Variants in SVEP1 observed in about 807,000 individuals in gnomAD.
SVEP1 encodes the protein sushi, von Willebrand factor type A, EGF and pentraxin domain-containing protein 1.
SVEP1 carries 164 observed loss-of-function variants against 367.3 expected under a neutral mutation model. The observed-to-expected ratio is 0.45, with a 90% CI of 0.39 to 0.51. The LOEUF (loss-of-function observed/expected upper bound fraction) is 0.51, where lower values mean the gene tolerates loss of function less well. Among genes scored for constraint, SVEP1 ranks in the 20% least tolerant of loss-of-function variants. The probability of loss-of-function intolerance (pLI) is 0.00; values close to 1 mark genes in which losing one functional copy is unlikely to be tolerated. For synonymous variants in SVEP1, 1,666 were observed against 1,611.6 expected (o/e 1.03, Z -0.81); for missense variants, 4,117 against 4,425.3 (o/e 0.93, Z 1.98).
intron 22 of SVEP1, among the ~76,000 whole-genome samples, chr9:110,453,177 A>T (rs912632154): frequency 2.0e-5 from 3 of 152,134 alleles, no homozygotes; most frequent in Admixed American, 2.0e-4. Context: ...ATACCCACAC[A>T]TATTAAAATA....
chr9:110,411,806 ATTTT>A, intron 36 of SVEP1, 71 bp from the exon 37 acceptor site: 1 of 1,346,126 alleles, frequency 7.4e-7, no homozygotes, highest in Non-Finnish European at 9.9e-7. Flanking sequence ...GTCTTCTTCT[ATTTT>A]TTAAATCTTT....
chr9:110,440,186 A>G (rs1341433012), intron 27 of SVEP1, among the ~76,000 whole-genome samples: 3 of 152,200 alleles, frequency 2.0e-5, no homozygotes, highest in Middle Eastern at 3.2e-3. Flanking sequence ...TTTCTTGGGG[A>G]ACATAAACAG....
intron 3 of SVEP1, among the ~76,000 whole-genome samples, chr9:110,515,522 A>C (rs1297548106): frequency 6.6e-6 from 1 of 151,816 alleles, no homozygotes; most frequent in African/African-American, 2.4e-5. Flanking sequence ...GGATGGTCTC[A>C]ATCTCCTGAC....
At position 110,520,956 on chromosome 9, in the gene SVEP1, C is replaced by T. The variant is rs541938341; in HGVS notation, c.965-6850G>A. Among the ~76,000 whole-genome samples the T allele has an allele frequency of 3.9e-5, 6 of 152,252 alleles. No individual in the cohort carries two copies. In the South Asian group the frequency reaches 1.0e-3, roughly 26 times the overall value. On this transcript the variant is annotated intron_variant, in intron 3 of 47. Transcript: ENST00000374469. ...TCCCCTGGAGTTGTACAACACCAAGCCTCTACTTTCTGCTATAAATAGGTA... is the reference window on the plus strand; with the variant it reads ...TCCCCTGGAGTTGTACAACACCAAGTCTCTACTTTCTGCTATAAATAGGTA...
chr9:110,389,724 T>G, intron 40 of SVEP1, 137 bp from the exon 41 acceptor site: 1 of 929,404 alleles, frequency 1.1e-6, no homozygotes, highest in South Asian at 1.9e-5. Context: ...AAAACATTTT[T>G]GAAAGTCTAA....
In SVEP1 at chr9:110,435,444, G is replaced by A. The variant is rs908177361; in HGVS notation, c.4765-80C>T. ...TATTACACATTAATTTAGTCCTATTGAAAACATTCACAGATTTTTTAGAGA... is the reference window on the plus strand; with the variant it reads ...TATTACACATTAATTTAGTCCTATTAAAAACATTCACAGATTTTTTAGAGA... On this transcript the variant is annotated intron_variant, in intron 28 of 47. Coordinates refer to ENST00000374469, the MANE Select transcript of SVEP1 (RefSeq NM_153366.4). 10 of 1,507,988 alleles carry A rather than the reference G, an allele frequency of 6.6e-6. No individual in the cohort carries two copies. In the African/African-American group the frequency reaches 1.4e-4, roughly 21 times the overall value. 93.4% of individuals were successfully genotyped at this position (1,507,988 alleles called of 1,614,324 possible).
At chr9:110,501,435 T>A (rs1829527111) in intron 6 of SVEP1, among the ~76,000 whole-genome samples, 2 of 152,028 alleles carry the variant, frequency 1.3e-5, no homozygotes, top group African/African-American at 4.8e-5. Flanking sequence ...TAATGTCTGC[T>A]GGCAGATATA....
At chr9:110,537,699 A>C in intron 3 of SVEP1, among the ~76,000 whole-genome samples, 1 of 152,090 alleles carries the variant, frequency 6.6e-6, no homozygotes, top group East Asian at 1.9e-4. Flanking sequence ...TATAATATTT[A>C]GATTTTAGTA....
At chr9:110,481,670 T>C (rs375694540) in intron 11 of SVEP1, among the ~76,000 whole-genome samples, 2 of 152,084 alleles carry the variant, frequency 1.3e-5, no homozygotes, top group South Asian at 4.2e-4. Context: ...CATATTTTTA[T>C]AAAAAAGTTA....
In SVEP1 at chr9:110,579,200, AC is replaced by A; in HGVS notation, c.343del (p.Val115TrpfsTer11). 1 of 1,571,408 alleles carries A rather than the reference AC, an allele frequency of 6.4e-7. No homozygotes were observed. The highest frequency in any genetic ancestry group is 8.6e-7 in the Non-Finnish European group (1 of 1,159,018). On this transcript the variant is annotated frameshift_variant, in exon 1 of 48. Transcript: ENST00000374469. LOFTEE classifies it high-confidence loss of function. The surrounding 1 kb of genome is among the most constrained non-coding windows in gnomAD (Gnocchi z 5.3). ...GGCCACGCGCGTGGCCGTGGGCACC[AC>A]GGGGAAGTCGGACAGCAGCTTGCGG... ...FVRKLLSDFP[V>X]VPTATRVAIV...
chr9:110,396,237 C>G (rs1422627140), intron 40 of SVEP1, among the ~76,000 whole-genome samples: 2 of 151,590 alleles, frequency 1.3e-5, no homozygotes, highest in South Asian at 2.1e-4. Flanking sequence ...ACAACCTGCT[C>G]CTGAATGACT....
chr9:110,465,988 C>G lies in SVEP1; in HGVS notation c.3199G>C (p.Glu1067Gln), dbSNP rs769726075. 1.2e-6 allele frequency: 2 copies of G among 1,613,618 alleles called. No individual in the cohort carries two copies. Among genetic ancestry groups the G allele is most frequent in the Non-Finnish European group, 1.7e-6 (2 of 1,179,756 alleles). ...CCCAGTGGACACGATTCACAAGTCTCAAGTCCACTGTATGAGTAGGTGCCT... is the reference window on the plus strand; with the variant it reads ...CCCAGTGGACACGATTCACAAGTCTGAAGTCCACTGTATGAGTAGGTGCCT... ...KQGTYSYSGL[E>Q]TCESCPLGTY... Residue 1067 changes from glutamate (E) to glutamine (Q), a missense_variant, in exon 18 of 48, where the codon GAG becomes CAG. Around this residue, in one of 4 missense-constraint regions of SVEP1, gnomAD observed 2,174 missense variants for 2,494.3 expected, o/e 0.87. Transcript: ENST00000374469.
intron 36 of SVEP1, among the ~76,000 whole-genome samples, chr9:110,416,544 G>T (rs559589088): frequency 6.6e-6 from 1 of 151,788 alleles, no homozygotes; most frequent in Admixed American, 6.6e-5. Context: ...CATATATCTA[G>T]TAAGACATCC....
intron 40 of SVEP1, among the ~76,000 whole-genome samples, chr9:110,397,976 G>A (rs1366770361): frequency 6.8e-6 from 1 of 147,692 alleles, no homozygotes; most frequent in Non-Finnish European, 1.5e-5. Context: ...TTTCTTCACA[G>A]AATTGGAAAA....
chr9:110,395,294 G>A (rs1482818673), intron 40 of SVEP1, among the ~76,000 whole-genome samples: 1 of 152,112 alleles, frequency 6.6e-6, no homozygotes, highest in East Asian at 1.9e-4. Context: ...TTACAGACAA[G>A]CAAATGCTGA....
intron 36 of SVEP1, among the ~76,000 whole-genome samples, chr9:110,412,324 G>A (rs953150687): frequency 6.6e-6 from 1 of 152,150 alleles, no homozygotes. Context: ...TTAAAACAGT[G>A]ATTATAATTT....
intron 39 of SVEP1, among the ~76,000 whole-genome samples, chr9:110,401,837 ATTG>A (rs984568724): frequency 2.6e-5 from 4 of 152,094 alleles, no homozygotes; most frequent in African/African-American, 9.6e-5. Flanking sequence ...TCTCTTGAAG[ATTG>A]TTATTCTATT....
At position 110,385,945 on chromosome 9, in the gene SVEP1, G is replaced by A. The variant is rs754933542; in HGVS notation, c.10190C>T (p.Thr3397Ile). The part of the protein sequence containing the change: ...GFLLQGHGII[T>I]CNPDETWTQT... ...TGTCCACGTCTCGTCGGGGTTGCAG[G>A]TAATGATGCCGTGGCCCTGCAGCAG... Residue 3397 changes from threonine to isoleucine, a missense_variant, in exon 43 of 48, where the codon ACC (threonine) becomes ATC (isoleucine). By Grantham distance (89) the Thr-to-Ile change is moderately conservative (BLOSUM62 -1). Transcript: ENST00000374469. 6.2e-7 allele frequency: 1 copy of A among 1,613,862 alleles called. No individual in the cohort carries two copies. The highest frequency in any genetic ancestry group is 1.1e-5 in the South Asian group (1 of 91,060).
At chr9:110,433,790 C>A (rs1224093268) in intron 30 of SVEP1, among the ~76,000 whole-genome samples, 1 of 151,850 alleles carries the variant, frequency 6.6e-6, no homozygotes, top group Non-Finnish European at 1.5e-5. Flanking sequence ...ATTTTCCTAG[C>A]CTCTTTTATT....
Sources: allele counts gnomAD v4.1 joint callset (sites outside exome capture counted in the v4.1 genomes callset), GRCh38; gene constraint gnomAD v4.1.1; regional missense constraint gnomAD v4.1.1; non-coding constraint Gnocchi (gnomAD v3.1); transcripts MANE v1.5; gene names NCBI Gene and HGNC (gene_info 2026-07-23, HGNC 2026-07-21).